SLC4A9: variants seen among roughly 807,000 people sequenced by gnomAD.
SLC4A9 encodes anion exchange protein 4.
In SLC4A9, 102 loss-of-function variants were observed where a neutral mutation model predicts 103.2. The observed-to-expected ratio is 0.99, with a 90% CI of 0.84 to 1.17. The LOEUF (loss-of-function observed/expected upper bound fraction) is 1.17. SLC4A9 is among the 50% of genes most tolerant of loss of function. The pLI is 0.00. For synonymous variants in SLC4A9, 453 were observed against 483.6 expected, an observed-to-expected ratio of 0.94 and a Z score of 0.83; for missense variants, 1,091 against 1,193.7, an observed-to-expected ratio of 0.91 and a Z score of 1.27.
Position 140,367,578 on chromosome 5 carries a change from G to C in SLC4A9, c.2172G>C (p.Leu724=), listed in dbSNP as rs1297779229. Residue 724 remains leucine (L), a synonymous_variant, in exon 15 of 22, where the codon CTG becomes CTC. Coordinates refer to ENST00000506757, the MANE Select transcript of SLC4A9 (RefSeq NM_031467.3). ...TCCTCAACCGCATGGAATACAGACT[G>C]CAGGTAAGGCCTGCTGGGTAAGGCC... ...AVILNRMEYR[L]QKGAGFHLDL... 6.2e-7 allele frequency: 1 copy of C among 1,602,584 alleles called. No homozygotes were observed. Among genetic ancestry groups the C allele is most frequent in the South Asian group, 1.1e-5 (1 of 89,258 alleles).
chr5:140,360,583 T>C lies in SLC4A9; in HGVS notation c.230+117T>C. 9 of 1,155,506 alleles carry C rather than the reference T, an allele frequency of 7.8e-6. 1 individual carries two copies. In the South Asian group the frequency reaches 1.4e-4, roughly 18 times the overall value. 71.6% of individuals were successfully genotyped at this position (1,155,506 alleles called of 1,614,324 possible). A position where few individuals can be genotyped will look rare whatever the true frequency, so the allele number is the denominator to read the frequency against. ...CAAAATTAGGATTTTCCCAGCTGTG[T>C]TCCCTTATTTCAGGGTCTTACCTTC... is the stretch of plus-strand genomic sequence containing the variant. On this transcript the variant is annotated intron_variant, in intron 1 of 21. Transcript: ENST00000506757.
At chr5:140,361,962 C>A in intron 4 of SLC4A9, 55 bp from the exon 5 acceptor site, 1 of 1,612,806 alleles carries the variant, frequency 6.2e-7, no homozygotes, top group Admixed American at 1.7e-5. Context: ...CATTTGAGAT[C>A]TTATCCTCCC....
Position 140,368,618 on chromosome 5 carries a change from A to G in SLC4A9, c.2386A>G (p.Ile796Val), listed in dbSNP as rs768147681. The G allele has an allele frequency of 6.2e-7, 1 of 1,613,484 alleles. No homozygotes were observed. Among genetic ancestry groups the G allele is most frequent in the Non-Finnish European group, 8.5e-7 (1 of 1,179,788 alleles). ...GAGGCTGACAGGCCTGGTGGTGTTC[A>G]TCCTTACAGGAGCCTCCATCTTCCT... ...EQRLTGLVVF[I>V]LTGASIFLAP... Residue 796 changes from isoleucine (I) to valine (V), a missense_variant, in exon 17 of 22, where the codon ATC becomes GTC. Coordinates refer to ENST00000506757, the MANE Select transcript of SLC4A9 (RefSeq NM_031467.3).
Position 140,371,503 on chromosome 5 carries a change from T to C in SLC4A9, c.2549T>C (p.Leu850Pro). The C allele has an allele frequency of 6.2e-7, 1 of 1,614,054 alleles. No homozygotes were observed. ...ATGCCAGCAAAACACCAGCCAGACC[T>C]GCTACTCTTGCGGCATGTGCCTCTG... ...LLMPAKHQPDLLLLRHVPLTR... is the reference protein window; with the variant it reads ...LLMPAKHQPDPLLLRHVPLTR... The change falls in exon 19 of 22, where the codon CTG (leucine) becomes CCG (proline). Residue 850 changes from leucine (L) to proline (P), a missense_variant. Leu to Pro is a moderately conservative substitution (Grantham distance 98). Coordinates refer to ENST00000506757, the MANE Select transcript of SLC4A9 (RefSeq NM_031467.3).
chr5:140,372,148 G>A, intron 19 of SLC4A9, 94 bp from the exon 20 acceptor site: 1 of 1,099,288 alleles, frequency 9.1e-7, no homozygotes, highest in South Asian at 1.8e-5. Context: ...GATATACAAT[G>A]CCTAGCACAT....
At position 140,360,816 on chromosome 5, in the gene SLC4A9, G is replaced by A; in HGVS notation, c.235G>A (p.Val79Ile). Residue 79 changes from valine to isoleucine, a missense_variant, in exon 2 of 22, where the codon GTA becomes ATA. Coordinates refer to ENST00000506757, the MANE Select transcript of SLC4A9 (RefSeq NM_031467.3). ...GTCTACCCACCTTCATCACAGGTGG[G>A]TACTGTTTGAGGAGAAGTTGGAGGT... Reference protein sequence around the residue: ...ALEWRETGRWVLFEEKLEVAA... With the variant: ...ALEWRETGRWILFEEKLEVAA... 1.2e-6 allele frequency: 2 copies of A among 1,613,532 alleles called. No homozygotes were observed. Among genetic ancestry groups the A allele is most frequent in the Non-Finnish European group, 8.5e-7 (1 of 1,179,844 alleles).
rs1768621603 is a variant in SLC4A9 at position 140,370,947 on chromosome 5, G to A, written c.2428-148G>A. Reference sequence around the variant, plus strand: ...TCTAATTGATTTGAGGATTCAATAAGATCGGCATGAAACATGTGAAAGGAA... The same window carrying A: ...TCTAATTGATTTGAGGATTCAATAAAATCGGCATGAAACATGTGAAAGGAA... On this transcript the variant is annotated intron_variant, in intron 17 of 21. Coordinates refer to ENST00000506757, the MANE Select transcript of SLC4A9 (RefSeq NM_031467.3). 6.5e-6 allele frequency: 4 copies of A among 611,444 alleles called. No homozygotes were observed. In the South Asian group the frequency reaches 8.5e-5, roughly 13 times the overall value. 37.9% of individuals were successfully genotyped at this position (611,444 alleles called of 1,614,324 possible). A position where few individuals can be genotyped will look rare whatever the true frequency, so the allele number is the denominator to read the frequency against.
In SLC4A9 at chr5:140,372,861, G is replaced by A. The variant is rs1018772031; in HGVS notation, c.*45+18G>A. The A allele has an allele frequency of 1.0e-4, 147 of 1,420,856 alleles. 1 individual carries two copies. Among genetic ancestry groups the A allele is most frequent in the Non-Finnish European group, 4.9e-5 (52 of 1,052,578 alleles). 88.0% of individuals were successfully genotyped at this position (1,420,856 alleles called of 1,614,324 possible). A position where few individuals can be genotyped will look rare whatever the true frequency, so the allele number is the denominator to read the frequency against. ...AGCATGAGGTGAGGGTGTGAGGGAA[G>A]TGCTCCTGATGTTGAGGATGGGAGG... On this transcript the variant is annotated intron_variant, in intron 21 of 21. Coordinates refer to ENST00000506757, the MANE Select transcript of SLC4A9 (RefSeq NM_031467.3).
Position 140,365,923 on chromosome 5 carries a change from C to A in SLC4A9, c.1800C>A (p.Val600=). 3 of 1,614,034 alleles carry A rather than the reference C, an allele frequency of 1.9e-6. No individual in the cohort carries two copies. Among genetic ancestry groups the A allele is most frequent in the Non-Finnish European group, 2.5e-6 (3 of 1,179,902 alleles). The change falls in exon 13 of 22, where the codon GTC becomes GTA. Residue 600 remains valine (V), a synonymous_variant. Coordinates refer to ENST00000506757, the MANE Select transcript of SLC4A9 (RefSeq NM_031467.3). ...GHPRGPGCHT[V]PDIAFFSLLL... is the part of the protein sequence containing the mutation. ...CTCGTGGCCCTGGCTGTCATACAGT[C>A]CCAGACATTGCCTTCTTCTCCCTTC... is the stretch of plus-strand genomic sequence containing the variant.
chr5:140,367,323 T>TG, intron 14 of SLC4A9, 97 bp from the exon 15 acceptor site: 1 of 1,410,452 alleles, frequency 7.1e-7, no homozygotes, highest in South Asian at 1.4e-5. Context: ...TGACTTGGGG[T>TG]GGGGGCAGGT....
In SLC4A9 at chr5:140,372,834, A is replaced by G; in HGVS notation, c.*36A>G. 1 of 1,523,232 alleles carries G rather than the reference A, an allele frequency of 6.6e-7. No individual in the cohort carries two copies. Among genetic ancestry groups the G allele is most frequent in the Non-Finnish European group, 8.9e-7 (1 of 1,128,902 alleles). The allele number at this position is 1,523,232 out of a possible 1,614,324, so 94.4% of individuals were successfully genotyped here. A position where few individuals can be genotyped will look rare whatever the true frequency, so the allele number is the denominator to read the frequency against. ...AGTCTGGGAGTGGAGACCCCAGGAA[A>G]CAGCATGAGGTGAGGGTGTGAGGGA... is the stretch of plus-strand genomic sequence containing the variant. On this transcript the variant is annotated 3_prime_UTR_variant, in exon 21 of 22. Transcript: ENST00000506757.
Position 140,367,601 on chromosome 5 carries a change from G to GC in SLC4A9, c.2175+23dup. 6.3e-7 allele frequency: 1 copy of GC among 1,599,936 alleles called. No individual in the cohort carries two copies. The highest frequency in any genetic ancestry group is 8.5e-7 in the Non-Finnish European group (1 of 1,172,700). ...CTGCAGGTAAGGCCTGCTGGGTAAG[G>GC]CCCAAGACCAAGGGACAGAAGCTCC... On this transcript the variant is annotated intron_variant, in intron 15 of 21. Transcript: ENST00000506757.
intron 11 of SLC4A9, among the ~76,000 whole-genome samples, chr5:140,365,217 C>T (rs529412995): frequency 6.6e-6 from 1 of 152,204 alleles, no homozygotes; most frequent in Non-Finnish European, 1.5e-5. Context: ...TGAACAAGAC[C>T]AGTTCTAGCC....
At chr5:140,367,650 C>T (rs1220269799) in intron 15 of SLC4A9, 69 bp downstream of exon 15, 40 of 1,603,008 alleles carry the variant, frequency 2.5e-5, no homozygotes, top group Admixed American at 1.7e-5. Context: ...CTCCTCCTCT[C>T]CTACCTCAGA....
intron 21 of SLC4A9, among the ~76,000 whole-genome samples, chr5:140,373,253 C>G (rs1033334867): frequency 3.3e-5 from 5 of 152,218 alleles, no homozygotes; most frequent in African/African-American, 1.2e-4. Flanking sequence ...TGGAGGAAAT[C>G]TCTATCACTT....
chr5:140,367,849 G>C lies in SLC4A9; in HGVS notation c.2305G>C (p.Glu769Gln), dbSNP rs764257656. The C allele has an allele frequency of 1.4e-5, 22 of 1,613,896 alleles. No homozygotes were observed. The highest frequency in any genetic ancestry group is 4.0e-5 in the African/African-American group (3 of 74,938). ...GGCTCACATGGACAGTCTTCGGAGA[G>C]AGAGCAGAGCCTGTGCCCCCGGGGA... ...SLAHMDSLRR[E>Q]SRACAPGERP... Residue 769 changes from glutamate (E) to glutamine (Q), a missense_variant, in exon 16 of 22, where the codon GAG becomes CAG. Glu to Gln is a conservative substitution (Grantham distance 29). Transcript: ENST00000506757.
Position 140,367,806 on chromosome 5 carries a change from A to G in SLC4A9, c.2262A>G (p.Ser754=), listed in dbSNP as rs1420248982. ...CGCTTGGACTGCCTTGGTATGTCTC[A>G]GCCACTGTCATCTCCCTGGCTCACA... The part of the protein sequence containing the change: ...TSALGLPWYV[S]ATVISLAHMD... Residue 754 remains serine (S), a synonymous_variant, in exon 16 of 22, where the codon TCA becomes TCG. Coordinates refer to ENST00000506757, the MANE Select transcript of SLC4A9 (RefSeq NM_031467.3). 1 of 1,613,842 alleles carries G rather than the reference A, an allele frequency of 6.2e-7. No homozygotes were observed. The highest frequency in any genetic ancestry group is 8.5e-7 in the Non-Finnish European group (1 of 1,179,902).
intron 17 of SLC4A9, 66 bp from the exon 18 acceptor site, chr5:140,371,029 G>T: frequency 6.8e-7 from 1 of 1,466,190 alleles, no homozygotes; most frequent in Non-Finnish European, 9.4e-7. Flanking sequence ...GGGCATCTGG[G>T]CATCCTGGGG....
chr5:140,367,939 C>A, intron 16 of SLC4A9, 41 bp downstream of exon 16: 1 of 1,603,062 alleles, frequency 6.2e-7, no homozygotes, highest in Non-Finnish European at 8.5e-7. Context: ...AGGTGGGCAG[C>A]AAGGTAAGGC....
Sources: allele counts gnomAD v4.1 joint callset (sites outside exome capture counted in the v4.1 genomes callset), GRCh38; gene constraint gnomAD v4.1.1; transcripts MANE v1.5; gene names NCBI Gene and HGNC (gene_info 2026-07-23, HGNC 2026-07-21).